The following ARHGEF6 variants were observed in gnomAD, a reference collection of about 807,000 sequenced individuals.
The protein encoded by ARHGEF6 is Rac/Cdc42 guanine nucleotide exchange factor 6.
ARHGEF6 carries 9 observed loss-of-function variants against 70.3 expected under a neutral mutation model. That is an observed-to-expected ratio of 0.13 (90% CI 0.08 to 0.22). ARHGEF6 has a LOEUF of 0.22. Ranked by LOEUF, ARHGEF6 falls within the 10% of genes least tolerant of loss-of-function variation. The pLI is 1.00. For missense variants in ARHGEF6, 470 were observed against 563.0 expected, an observed-to-expected ratio of 0.83 and a Z score of 1.67; for synonymous variants, 201 against 207.8, an observed-to-expected ratio of 0.97 and a Z score of 0.28.
chrX:136,744,004 AT>A (rs2077070566), intron 4 of ARHGEF6, among the ~76,000 whole-genome samples: 2 of 111,772 alleles, frequency 1.8e-5, no homozygotes, highest in South Asian at 3.7e-4. Context: ...GAGAATCTGT[AT>A]TTTGAAGTGG....
At chrX:136,727,321 TTCTTTTTC>T (rs2076864036) in intron 6 of ARHGEF6, among the ~76,000 whole-genome samples, 3 of 56,358 alleles carry the variant, frequency 5.3e-5, no homozygotes, top group South Asian at 1.2e-3. Context: ...CTTTCTTTCT[TTCTTTTTC>T]TTTCTTTCTT....
intron 6 of ARHGEF6, among the ~76,000 whole-genome samples, chrX:136,718,650 T>G (rs1416962563): frequency 9.0e-6 from 1 of 111,501 alleles, no homozygotes; most frequent in Non-Finnish European, 1.9e-5. Context: ...TTTTTAGAAC[T>G]TTTAGTATGA....
At chrX:136,686,633 T>C (rs1210528146) in intron 11 of ARHGEF6, among the ~76,000 whole-genome samples, 6 of 77,136 alleles carry the variant, frequency 7.8e-5, no homozygotes, top group African/African-American at 1.4e-4. Flanking sequence ...CACATATATA[T>C]ATATATATAC....
At chrX:136,697,182 T>G (rs1335646206) in intron 9 of ARHGEF6, among the ~76,000 whole-genome samples, 3 of 111,297 alleles carry the variant, frequency 2.7e-5, no homozygotes, top group Non-Finnish European at 5.7e-5. Context: ...GTTCTGAAGC[T>G]CTCCATGAAG....
intron 6 of ARHGEF6, among the ~76,000 whole-genome samples, chrX:136,719,785 T>C (rs2148630207): frequency 8.9e-6 from 1 of 111,759 alleles, no homozygotes; most frequent in African/African-American, 3.2e-5. Context: ...TACAAACTGT[T>C]AGTATCAGAA....
At chrX:136,753,594 T>C (rs2077174433) in intron 2 of ARHGEF6, among the ~76,000 whole-genome samples, 1 of 111,538 alleles carries the variant, frequency 9.0e-6, no homozygotes, top group African/African-American at 3.3e-5. Flanking sequence ...GGCCAATGCA[T>C]AAACCAAAAG....
At chrX:136,716,800 A>T (rs1430226594) in intron 6 of ARHGEF6, among the ~76,000 whole-genome samples, 1 of 112,510 alleles carries the variant, frequency 8.9e-6, no homozygotes, top group Non-Finnish European at 1.9e-5. Flanking sequence ...GCTAGAGATT[A>T]AAAACACTGT....
chrX:136,677,704 TA>T (rs1292350106), intron 17 of ARHGEF6, among the ~76,000 whole-genome samples: 3 of 110,026 alleles, frequency 2.7e-5, no homozygotes, highest in Admixed American at 9.7e-5. Flanking sequence ...AAACAGAATT[TA>T]AAAAAAAACA....
At chrX:136,708,830 C>T in intron 7 of ARHGEF6, 60 bp from the exon 8 acceptor site, 1 of 885,073 alleles carries the variant, frequency 1.1e-6, no homozygotes, top group South Asian at 2.1e-5. Flanking sequence ...TAATAGTTTG[C>T]TAATATATGG....
In ARHGEF6 at chrX:136,681,882, T is replaced by C; in HGVS notation, c.1558+8A>G. On this transcript the variant is annotated splice_region_variant and intron_variant, in intron 14 of 21. Transcript: ENST00000250617. The stretch of plus-strand genomic sequence containing the variant: ...AAGTAGTTACATGAAAAAGAGAAAA[T>C]TACCTACCAGTGATTTCAAATGTGC... 2.5e-6 allele frequency: 3 copies of C among 1,193,416 alleles called. No homozygotes were observed. Among genetic ancestry groups the C allele is most frequent in the Non-Finnish European group, 3.4e-6 (3 of 879,048 alleles).
At chrX:136,755,809 T>C (rs2077200053) in intron 2 of ARHGEF6, among the ~76,000 whole-genome samples, 1 of 112,111 alleles carries the variant, frequency 8.9e-6, no homozygotes, top group South Asian at 3.7e-4. Flanking sequence ...AGTCCTGAAT[T>C]TCCTATTAAA....
chrX:136,761,086 A>G (rs2077259832), intron 2 of ARHGEF6, among the ~76,000 whole-genome samples: 1 of 112,524 alleles, frequency 8.9e-6, no homozygotes, highest in Non-Finnish European at 1.9e-5. Flanking sequence ...TAACAACTGA[A>G]TAATTCATAG....
intron 2 of ARHGEF6, chrX:136,767,098 T>A: frequency 3.4e-5 from 23 of 683,134 alleles, no homozygotes; most frequent in Admixed American, 8.6e-5. Flanking sequence ...CCCCGGGCCC[T>A]CGCGCGCTCC....
At chrX:136,686,599 T>TATATATATATATATATATATATACACAC (rs2076391843) in intron 11 of ARHGEF6, among the ~76,000 whole-genome samples, 3 of 71,649 alleles carry the variant, frequency 4.2e-5, no homozygotes, top group Admixed American at 1.5e-4. Context: ...TGTGTGTATA[T>TATATATATATATATATATATATACACAC]ATATATATAT....
Position 136,672,010 on chromosome X carries a change from C to A in ARHGEF6, c.2135+10G>T, listed in dbSNP as rs1477118235. 1.7e-6 allele frequency: 2 copies of A among 1,196,442 alleles called. No homozygotes were observed. Among genetic ancestry groups the A allele is most frequent in the Non-Finnish European group, 2.3e-6 (2 of 881,495 alleles). ...GAGAAACTAGGCAAGGTTTTGCCTG[C>A]TCTACTCACTTTTCTTCCATGATGG... is the stretch of plus-strand genomic sequence containing the variant. On this transcript the variant is annotated intron_variant, in intron 20 of 21. Transcript: ENST00000250617.
At chrX:136,760,445 T>G (rs2077254296) in intron 2 of ARHGEF6, among the ~76,000 whole-genome samples, 1 of 112,388 alleles carries the variant, frequency 8.9e-6, no homozygotes, top group African/African-American at 3.2e-5. Flanking sequence ...AAGAGGTATA[T>G]TGTGTTCTGT....
intron 2 of ARHGEF6, among the ~76,000 whole-genome samples, chrX:136,771,826 C>A (rs1021849953): frequency 3.6e-5 from 4 of 111,890 alleles, no homozygotes; most frequent in African/African-American, 1.3e-4. Context: ...TAAATTAATA[C>A]AACCATTATG....
chrX:136,744,363 A>G (rs143829585), intron 4 of ARHGEF6, among the ~76,000 whole-genome samples: 1,353 of 112,243 alleles, frequency 0.012, 23 homozygotes, highest in African/African-American at 0.042. Flanking sequence ...GTTTTATTAC[A>G]TGGATATATT....
intron 10 of ARHGEF6, among the ~76,000 whole-genome samples, chrX:136,688,675 AAAC>A (rs1295449863): frequency 4.5e-5 from 5 of 111,495 alleles, no homozygotes; most frequent in South Asian, 3.7e-4. Flanking sequence ...ACAAACAAAC[AAAC>A]AACAACAACA....
Sources: allele counts gnomAD v4.1 joint callset (sites outside exome capture counted in the v4.1 genomes callset), GRCh38; gene constraint gnomAD v4.1.1; transcripts MANE v1.5; gene names NCBI Gene and HGNC (gene_info 2026-07-23, HGNC 2026-07-21).